The following GRIK4 variants were observed in gnomAD, a reference collection of about 807,000 sequenced individuals.
The protein encoded by GRIK4 is glutamate receptor ionotropic, kainate 4.
Under a neutral mutation model 104.9 loss-of-function variants are expected in GRIK4, and 40 were observed. That is an observed-to-expected ratio of 0.38 (90% CI 0.30 to 0.50). GRIK4 has a LOEUF of 0.50. Among genes scored for constraint, GRIK4 ranks in the 20% least tolerant of loss-of-function variants. The pLI is 0.93. For synonymous variants in GRIK4, 485 were observed against 524.9 expected, an observed-to-expected ratio of 0.92 and a Z score of 1.04; for missense variants, 1,047 against 1,308.1, an observed-to-expected ratio of 0.80 and a Z score of 3.08.
chr11:120,581,927 C>T (rs984352128), intron 1 of GRIK4, among the ~76,000 whole-genome samples: 6 of 152,068 alleles, frequency 3.9e-5, no homozygotes, highest in Non-Finnish European at 8.8e-5. Context: ...CTGCCTCAGC[C>T]TCCCTAGTAG....
intron 3 of GRIK4, among the ~76,000 whole-genome samples, chr11:120,664,990 A>G (rs956453704): frequency 2.6e-5 from 4 of 151,938 alleles, no homozygotes; most frequent in African/African-American, 9.7e-5. Flanking sequence ...TCTTACGAGG[A>G]CCCTCCAAGC....
intron 1 of GRIK4, among the ~76,000 whole-genome samples, chr11:120,614,946 C>G (rs1336853515): frequency 6.6e-6 from 1 of 152,178 alleles, no homozygotes; most frequent in East Asian, 1.9e-4. Context: ...TTGCAGTGAG[C>G]TGAGATCGCG....
intron 3 of GRIK4, among the ~76,000 whole-genome samples, chr11:120,770,789 C>T (rs1307174004): frequency 1.3e-5 from 2 of 152,128 alleles, no homozygotes; most frequent in South Asian, 4.1e-4. Flanking sequence ...TGGTGGGATT[C>T]GTATCCTATA....
At chr11:120,690,488 A>G (rs1315817779) in intron 3 of GRIK4, among the ~76,000 whole-genome samples, 1 of 152,214 alleles carries the variant, frequency 6.6e-6, no homozygotes, top group African/African-American at 2.4e-5. Flanking sequence ...TGCAGCAAGA[A>G]CTGGCTGCGC....
At chr11:120,816,543 A>C (rs1952965821) in intron 5 of GRIK4, among the ~76,000 whole-genome samples, 1 of 151,956 alleles carries the variant, frequency 6.6e-6, no homozygotes, top group Non-Finnish European at 1.5e-5. Context: ...TGCAGGAGGG[A>C]CTGGATGCCT....
At chr11:120,744,405 T>A (rs1951400839) in intron 3 of GRIK4, among the ~76,000 whole-genome samples, 2 of 152,212 alleles carry the variant, frequency 1.3e-5, no homozygotes, top group South Asian at 2.1e-4. Flanking sequence ...TCATATGTTA[T>A]ACTTTGGGGT....
intron 13 of GRIK4, among the ~76,000 whole-genome samples, chr11:120,920,484 C>T (rs1024771297): frequency 1.3e-5 from 2 of 152,174 alleles, no homozygotes; most frequent in African/African-American, 4.8e-5. Context: ...GTTCATTCCT[C>T]TTGCCATGCA....
At chr11:120,813,262 G>A (rs963677409) in intron 4 of GRIK4, among the ~76,000 whole-genome samples, 2 of 152,140 alleles carry the variant, frequency 1.3e-5, no homozygotes, top group African/African-American at 2.4e-5. Flanking sequence ...GATTAGGTGT[G>A]TGACCAGAGC....
chr11:120,978,534 TG>T (rs1400763317), intron 19 of GRIK4, among the ~76,000 whole-genome samples: 27 of 152,164 alleles, frequency 1.8e-4, no homozygotes, highest in Non-Finnish European at 3.4e-4. Flanking sequence ...AGTTAGATTT[TG>T]CATTTCAGAA....
intron 1 of GRIK4, among the ~76,000 whole-genome samples, chr11:120,639,920 C>T (rs937119632): frequency 5.9e-5 from 9 of 152,188 alleles, no homozygotes; most frequent in African/African-American, 2.2e-4. Context: ...GTGGAGCCAT[C>T]TTTGACCCGG....
intron 1 of GRIK4, among the ~76,000 whole-genome samples, chr11:120,596,064 C>A (rs1948798084): frequency 6.6e-6 from 1 of 152,176 alleles, no homozygotes; most frequent in Non-Finnish European, 1.5e-5. Context: ...CCAGGCTGAT[C>A]TCGAACTCTT....
chr11:120,923,572 CT>C (rs1319598751), intron 13 of GRIK4, among the ~76,000 whole-genome samples: 13 of 151,950 alleles, frequency 8.6e-5, no homozygotes, highest in African/African-American at 3.1e-4. Flanking sequence ...ACCACCACCC[CT>C]GGCTAATTTT....
intron 8 of GRIK4, among the ~76,000 whole-genome samples, chr11:120,847,638 G>T (rs1207813561): frequency 6.6e-6 from 1 of 152,242 alleles, no homozygotes; most frequent in African/African-American, 2.4e-5. Flanking sequence ...GATTGCATGA[G>T]AAATTGTGGA....
intron 1 of GRIK4, among the ~76,000 whole-genome samples, chr11:120,616,836 A>G (rs1949122786): frequency 6.6e-6 from 1 of 152,152 alleles, no homozygotes; most frequent in East Asian, 1.9e-4. Flanking sequence ...CTTATAATAC[A>G]CTACAGTTAC....
intron 3 of GRIK4, among the ~76,000 whole-genome samples, chr11:120,767,895 C>G (rs1202596002): frequency 6.6e-6 from 1 of 152,110 alleles, no homozygotes; most frequent in Admixed American, 6.5e-5. Flanking sequence ...CATTCTGGTT[C>G]CATTGGTCTG....
At chr11:120,682,045 C>G (rs888925188) in intron 3 of GRIK4, among the ~76,000 whole-genome samples, 2 of 152,092 alleles carry the variant, frequency 1.3e-5, no homozygotes, top group African/African-American at 2.4e-5. Context: ...TTCTCAGCAT[C>G]GAGGAGTGAG....
chr11:120,579,162 G>T (rs527801669), intron 1 of GRIK4, among the ~76,000 whole-genome samples: 66 of 152,290 alleles, frequency 4.3e-4, no homozygotes, highest in African/African-American at 1.5e-3. Context: ...CTGCATGATG[G>T]TGGAGTGGGG....
In GRIK4 at chr11:120,967,052, T is replaced by C; in HGVS notation, c.2267-143T>C. 1.2e-6 allele frequency: 1 copy of C among 863,236 alleles called. No homozygotes were observed. The highest frequency in any genetic ancestry group is 1.8e-6 in the Non-Finnish European group (1 of 569,432). 53.5% of individuals were successfully genotyped at this position (863,236 alleles called of 1,614,324 possible). A position where few individuals can be genotyped will look rare whatever the true frequency, so the allele number is the denominator to read the frequency against. On this transcript the variant is annotated intron_variant, in intron 18 of 20. Coordinates refer to ENST00000527524, the MANE Select transcript of GRIK4 (RefSeq NM_014619.5). The surrounding 1 kb of genome is among the most constrained non-coding windows in gnomAD (Gnocchi z 4.2). ...AGTAGACAGCACTGGCCCCATGGGC[T>C]CGCCCCACCCGCTGCATCTGTCTGT...
In GRIK4 at chr11:120,568,037, G is replaced by A. The variant is rs1285810509; in HGVS notation, c.-159+56150G>A. The stretch of plus-strand genomic sequence containing the variant: ...TACAAAAAATAAAATAATTAGCTGG[G>A]CATGGTGGTGCCTGCCTAAAATCCC... On this transcript the variant is annotated intron_variant, in intron 1 of 20. Transcript: ENST00000527524. Among the ~76,000 whole-genome samples, 5 of 152,278 alleles carry A rather than the reference G, an allele frequency of 3.3e-5. 1 individual carries two copies. The Middle Eastern group carries it at 0.01, about 311-fold the overall frequency.
Sources: allele counts gnomAD v4.1 joint callset (sites outside exome capture counted in the v4.1 genomes callset), GRCh38; gene constraint gnomAD v4.1.1; non-coding constraint Gnocchi (gnomAD v3.1); transcripts MANE v1.5; gene names NCBI Gene and HGNC (gene_info 2026-07-23, HGNC 2026-07-21).